AGTRAP: variants seen among roughly 807,000 people sequenced by gnomAD.
AGTRAP encodes the protein type-1 angiotensin II receptor-associated protein.
In AGTRAP, 7 loss-of-function variants were observed where a neutral mutation model predicts 15.2. That is an observed-to-expected ratio of 0.46 (90% CI 0.26 to 0.87). The LOEUF (loss-of-function observed/expected upper bound fraction) is 0.87, where lower values mean the gene tolerates loss of function less well. Among genes scored for constraint, AGTRAP ranks in the 40% least tolerant of loss-of-function variants. The pLI is 0.15. For synonymous variants in AGTRAP, 74 were observed against 89.6 expected (o/e 0.83, Z 0.98); for missense variants, 187 against 213.4 (o/e 0.88, Z 0.77).
intron 1 of AGTRAP, among the ~76,000 whole-genome samples, chr1:11,739,790 C>T (rs2100762628): frequency 6.6e-6 from 1 of 152,308 alleles, no homozygotes; most frequent in East Asian, 1.9e-4. Flanking sequence ...ATCCCTGCCC[C>T]ACATAGGTAT....
intron 2 of AGTRAP, 31 bp from the exon 3 acceptor site, chr1:11,747,409 C>A (rs961311251): frequency 2.5e-6 from 4 of 1,605,500 alleles, no homozygotes; most frequent in Non-Finnish European, 3.4e-6. Flanking sequence ...GTGGTGGCCT[C>A]CTGACGGGAC....
rs147888116 is a variant in AGTRAP, at chr1:11,742,441, GTTCC to G, written c.28-3342_28-3339del. The stretch of plus-strand genomic sequence containing the variant: ...TTCTTTCCCTTCTTTCCCTTCCTTC[GTTCC>G]TTCCTTCCTTCCTTCCTTCTTTCCT... On this transcript the variant is annotated intron_variant, in intron 1 of 4. Coordinates refer to ENST00000314340, the MANE Select transcript of AGTRAP (RefSeq NM_020350.5). Among the ~76,000 whole-genome samples, 1,293 of 149,152 alleles carry G rather than the reference GTTCC, an allele frequency of 8.7e-3. 16 individuals carry two copies. Among genetic ancestry groups the G allele is most frequent in the Middle Eastern group, 0.031 (9 of 290 alleles).
At chr1:11,749,659 G>C (rs903569537) in intron 4 of AGTRAP, among the ~76,000 whole-genome samples, 2 of 152,182 alleles carry the variant, frequency 1.3e-5, no homozygotes, top group Non-Finnish European at 2.9e-5. Context: ...CTGGAGAGGA[G>C]TGCGTGGGCC....
intron 1 of AGTRAP, chr1:11,744,493 C>T (rs1480100361): frequency 7.0e-6 from 5 of 713,738 alleles, no homozygotes; most frequent in Non-Finnish European, 1.0e-5. Flanking sequence ...TGCCCGCTCT[C>T]TCCAGCCACA....
intron 2 of AGTRAP, chr1:11,746,476 C>T (rs924465510): frequency 7.0e-5 from 28 of 398,430 alleles, no homozygotes; most frequent in Admixed American, 3.9e-4. Flanking sequence ...ATCTAGGAAG[C>T]GCCCGCTGCA....
Position 11,750,245 on chromosome 1 carries a change from G to T in AGTRAP, c.*53G>T, listed in dbSNP as rs1642285665. On this transcript the variant is annotated 3_prime_UTR_variant, in exon 5 of 5. Coordinates refer to ENST00000314340, the MANE Select transcript of AGTRAP (RefSeq NM_020350.5). The stretch of plus-strand genomic sequence containing the variant: ...CCCGGGCCTTCCTCGTGCCTGGGAG[G>T]TCGTTCTAGGGATGCTCCTGACCTC... The T allele has an allele frequency of 7.0e-7, 1 of 1,421,672 alleles. No homozygotes were observed. The highest frequency in any genetic ancestry group is 1.4e-5 in the African/African-American group (1 of 71,284). The allele number at this position is 1,421,672 out of a possible 1,614,324, so 88.1% of individuals were successfully genotyped here.
At position 11,750,607 on chromosome 1, in the gene AGTRAP, G is replaced by A. The variant is rs781675344; in HGVS notation, c.*415G>A. ...AGCTTCAGGTCCTGCTCAGCCCGAG[G>A]AGCAGTCTGGCATGGGAGTGAGGCC... is the stretch of plus-strand genomic sequence containing the variant. On this transcript the variant is annotated 3_prime_UTR_variant, in exon 5 of 5. Coordinates refer to ENST00000314340, the MANE Select transcript of AGTRAP (RefSeq NM_020350.5). The A allele has an allele frequency of 2.3e-5, 10 of 429,778 alleles. No homozygotes were observed. Among genetic ancestry groups the A allele is most frequent in the Non-Finnish European group, 4.2e-6 (1 of 236,148 alleles). The allele number at this position is 429,778 out of a possible 1,614,324, so 26.6% of individuals were successfully genotyped here. A position where few individuals can be genotyped will look rare whatever the true frequency, so the allele number is the denominator to read the frequency against.
chr1:11,736,248 T>TG lies in AGTRAP; in HGVS notation c.27+19dup. Reference sequence around the variant, plus strand: ...TGTGAACCTGAAGGTGGCGACGGGCTGGGGGGAGGGTCCCCTTTGCGGGAG... The same window carrying TG: ...TGTGAACCTGAAGGTGGCGACGGGCTGGGGGGGAGGGTCCCCTTTGCGGGAG... On this transcript the variant is annotated intron_variant, in intron 1 of 4. Coordinates refer to ENST00000314340, the MANE Select transcript of AGTRAP (RefSeq NM_020350.5). 6.2e-7 allele frequency: 1 copy of TG among 1,606,430 alleles called. No individual in the cohort carries two copies. Among genetic ancestry groups the TG allele is most frequent in the South Asian group, 1.1e-5 (1 of 89,388 alleles).
rs1398753690 is a variant in AGTRAP at position 11,747,496 on chromosome 1, T to C, written c.119T>C (p.Leu40Ser). ...YAWANFTILA[L>S]GVWAVAQRDS... ...TGGGCCAACTTCACCATCCTGGCCTTGGGCGTGTGGGCTGTGGCTCAGCGG... is the reference window on the plus strand; with the variant it reads ...TGGGCCAACTTCACCATCCTGGCCTCGGGCGTGTGGGCTGTGGCTCAGCGG... The change falls in exon 3 of 5, where the codon TTG becomes TCG. Residue 40 changes from leucine (L) to serine (S), a missense_variant. Leu to Ser is a moderately radical substitution (Grantham distance 145). Coordinates refer to ENST00000314340, the MANE Select transcript of AGTRAP (RefSeq NM_020350.5). 6.2e-7 allele frequency: 1 copy of C among 1,614,144 alleles called. No individual in the cohort carries two copies. The highest frequency in any genetic ancestry group is 1.3e-5 in the African/African-American group (1 of 75,060).
intron 3 of AGTRAP, 68 bp downstream of exon 3, chr1:11,747,613 C>G (rs1417984714): frequency 6.6e-7 from 1 of 1,504,722 alleles, no homozygotes; most frequent in East Asian, 2.3e-5. Context: ...TAGCCTGGCT[C>G]TGCTACCCCG....
At chr1:11,748,356 CG>C in intron 3 of AGTRAP, 58 bp from the exon 4 acceptor site, 1 of 1,548,320 alleles carries the variant, frequency 6.5e-7, no homozygotes. Flanking sequence ...CGGTGTGTGG[CG>C]GGGGAGCCAC....
At position 11,745,149 on chromosome 1, in the gene AGTRAP, C is replaced by T. The variant is rs1344883812; in HGVS notation, c.28-654C>T. 1.3e-5 allele frequency among the ~76,000 whole-genome samples: 2 copies of T among 152,208 alleles called. No homozygotes were observed. The highest frequency in any genetic ancestry group is 2.9e-5 in the Non-Finnish European group (2 of 68,048). ...GGATTACAGGTGTGATCCACCGCGC[C>T]CAGGCTGGTTGCCCATTTTTATAGT... On this transcript the variant is annotated intron_variant, in intron 1 of 4. Transcript: ENST00000314340. This position sits in a 1 kb window ranked among gnomAD's most constrained non-coding sequence, Gnocchi z 4.2.
intron 1 of AGTRAP, among the ~76,000 whole-genome samples, chr1:11,743,420 C>T (rs1642079997): frequency 6.8e-6 from 1 of 147,990 alleles, no homozygotes; most frequent in African/African-American, 2.4e-5. Flanking sequence ...TAATTTTTGT[C>T]TTTTTAGTAG....
intron 1 of AGTRAP, among the ~76,000 whole-genome samples, chr1:11,743,466 G>A (rs1485439068): frequency 6.6e-6 from 1 of 151,730 alleles, no homozygotes; most frequent in African/African-American, 2.4e-5. Context: ...GGCTGGTCTC[G>A]AACTCCTGAC....
At position 11,736,163 on chromosome 1, in the gene AGTRAP, G is replaced by T. The variant is rs1163265324; in HGVS notation, c.-46G>T. 3 of 1,582,240 alleles carry T rather than the reference G, an allele frequency of 1.9e-6. No individual in the cohort carries two copies. Among genetic ancestry groups the T allele is most frequent in the Non-Finnish European group, 2.6e-6 (3 of 1,165,064 alleles). ...GTTTGTTCCCCGAGTTCGGAGCCTA[G>T]GAGCCCCCCGCGGCTGCGGCGCAGG... On this transcript the variant is annotated 5_prime_UTR_variant, in exon 1 of 5. In the 5' UTR this introduces an upstream ATG that the reference lacks. Transcript: ENST00000314340.
chr1:11,746,944 A>T (rs1390645833), intron 2 of AGTRAP, among the ~76,000 whole-genome samples: 2 of 152,154 alleles, frequency 1.3e-5, no homozygotes, highest in Non-Finnish European at 2.9e-5. Flanking sequence ...CAGGGTGAAC[A>T]TTCGAGTCTC....
chr1:11,748,453 C>A lies in AGTRAP; in HGVS notation c.207C>A (p.Ile69=), dbSNP rs369512679. The A allele has an allele frequency of 1.1e-5, 17 of 1,613,736 alleles. No individual in the cohort carries two copies. In the East Asian group the frequency reaches 1.6e-4, roughly 15 times the overall value. The stretch of plus-strand genomic sequence containing the variant: ...TGCTGGCCACCATCTTCCTGGACAT[C>A]GTGCACATCAGCATCTTCTACCCGC... The part of the protein sequence containing the change: ...GGLLATIFLD[I]VHISIFYPRV... Residue 69 remains isoleucine (I), a synonymous_variant, in exon 4 of 5, where the codon ATC becomes ATA. Transcript: ENST00000314340.
chr1:11,737,713 T>A (rs1264652009), intron 1 of AGTRAP, among the ~76,000 whole-genome samples: 1 of 152,172 alleles, frequency 6.6e-6, no homozygotes, highest in Non-Finnish European at 1.5e-5. Flanking sequence ...TTTCTGTCCT[T>A]TGGGAGGGCT....
rs1302181623 is a variant in AGTRAP at position 11,743,569 on chromosome 1, C to CTTTTTT, written c.28-2225_28-2220dup. On this transcript the variant is annotated intron_variant, in intron 1 of 4. Transcript: ENST00000314340. ...CCCATCTGCCCTTTTTCTTTCTTTC[C>CTTTTTT]TTTTTTTTTTTTTTGAGGCGGAGGT... 1.4e-5 allele frequency among the ~76,000 whole-genome samples: 2 copies of CTTTTTT among 139,584 alleles called. 1 individual carries two copies. The highest frequency in any genetic ancestry group is 3.1e-5 in the Non-Finnish European group (2 of 64,684). 91.6% of individuals were successfully genotyped at this position (139,584 alleles called of 152,430 possible). A position where few individuals can be genotyped will look rare whatever the true frequency, so the allele number is the denominator to read the frequency against.
Sources: allele counts gnomAD v4.1 joint callset (sites outside exome capture counted in the v4.1 genomes callset), GRCh38; gene constraint gnomAD v4.1.1; non-coding constraint Gnocchi (gnomAD v3.1); transcripts MANE v1.5; gene names NCBI Gene and HGNC (gene_info 2026-07-23, HGNC 2026-07-21).